Variants in RNGTT observed in about 807,000 individuals in gnomAD.
RNGTT encodes RNA guanylyltransferase and 5'-phosphatase, also known as mRNA-capping enzyme.
Under a neutral mutation model 79.3 loss-of-function variants are expected in RNGTT, and 33 were observed. That is an observed-to-expected ratio of 0.42 (90% CI 0.32 to 0.56). The LOEUF is 0.56. Ranked by LOEUF, RNGTT falls within the 20% of genes least tolerant of loss-of-function variation. RNGTT has a pLI of 0.17. For synonymous variants in RNGTT, 222 were observed against 235.9 expected (o/e 0.94, Z 0.54); for missense variants, 497 against 739.1 (o/e 0.67, Z 3.80).
At chr6:88,613,297 T>C (rs1479118330) in intron 15 of RNGTT, among the ~76,000 whole-genome samples, 1 of 152,242 alleles carries the variant, frequency 6.6e-6, no homozygotes, top group African/African-American at 2.4e-5. Context: ...ACATAAAACA[T>C]GGCACCAGCC....
At chr6:88,613,491 A>G (rs1772108825) in intron 15 of RNGTT, among the ~76,000 whole-genome samples, 1 of 152,232 alleles carries the variant, frequency 6.6e-6, no homozygotes, top group Non-Finnish European at 1.5e-5. Flanking sequence ...GCTAGTTCCA[A>G]TGAGAACTCC....
chr6:88,833,413 G>A (rs566381665), intron 11 of RNGTT, among the ~76,000 whole-genome samples: 1 of 152,202 alleles, frequency 6.6e-6, no homozygotes, highest in African/African-American at 2.4e-5. Context: ...TCACACATGG[G>A]GTCCTGTTGG....
intron 14 of RNGTT, among the ~76,000 whole-genome samples, chr6:88,637,418 T>G (rs1368397437): frequency 6.6e-6 from 1 of 152,110 alleles, no homozygotes. Flanking sequence ...GGCTGGCTTT[T>G]CCATGAGGTT....
At chr6:88,893,076 G>C (rs1377691878) in intron 6 of RNGTT, among the ~76,000 whole-genome samples, 1 of 151,976 alleles carries the variant, frequency 6.6e-6, no homozygotes, top group South Asian at 2.1e-4. Flanking sequence ...CTAGCCAATG[G>C]CATTTCTGTT....
intron 11 of RNGTT, among the ~76,000 whole-genome samples, chr6:88,809,215 C>A (rs998578953): frequency 6.6e-6 from 1 of 151,868 alleles, no homozygotes; most frequent in Admixed American, 6.6e-5. Context: ...TGTATACACA[C>A]CTTAAAAAAA....
intron 4 of RNGTT, among the ~76,000 whole-genome samples, chr6:88,920,856 T>C (rs1784141506): frequency 6.6e-6 from 1 of 152,204 alleles, no homozygotes; most frequent in Non-Finnish European, 1.5e-5. Context: ...TTACAGGTTA[T>C]AAAATTTATA....
chr6:88,852,666 T>C (rs1678608083), intron 9 of RNGTT, among the ~76,000 whole-genome samples: 1 of 152,138 alleles, frequency 6.6e-6, no homozygotes, highest in South Asian at 2.1e-4. Flanking sequence ...AAAATCAAAA[T>C]GTCCAACAAA....
chr6:88,862,641 C>T (rs1782050538), intron 8 of RNGTT, among the ~76,000 whole-genome samples: 2 of 152,192 alleles, frequency 1.3e-5, no homozygotes. Context: ...GTTCTGGAGG[C>T]TAAGACTTGC....
Position 88,929,151 on chromosome 6 carries a change from A to G in RNGTT, c.278+13T>C. On this transcript the variant is annotated intron_variant, in intron 3 of 15. Transcript: ENST00000369485. ...AAGGTTTCAATATTAAAGAATCTTAATATATAACTTACCCTTTACACTGAA... is the reference window on the plus strand; with the variant it reads ...AAGGTTTCAATATTAAAGAATCTTAGTATATAACTTACCCTTTACACTGAA... The G allele has an allele frequency of 1.3e-6, 2 of 1,577,512 alleles. No individual in the cohort carries two copies. The highest frequency in any genetic ancestry group is 1.4e-5 in the African/African-American group (1 of 73,706).
intron 14 of RNGTT, among the ~76,000 whole-genome samples, chr6:88,670,610 C>T (rs1465465303): frequency 6.6e-6 from 1 of 152,138 alleles, no homozygotes; most frequent in Non-Finnish European, 1.5e-5. Context: ...TGCCAAGAAC[C>T]AGGCCTGGTA....
chr6:88,623,805 T>C, intron 14 of RNGTT, among the ~76,000 whole-genome samples: 1 of 152,028 alleles, frequency 6.6e-6, no homozygotes. Context: ...ACAGACAACA[T>C]GATTACTTAC....
chr6:88,754,723 G>A (rs1189583062), intron 13 of RNGTT, among the ~76,000 whole-genome samples: 1 of 152,148 alleles, frequency 6.6e-6, no homozygotes, highest in Non-Finnish European at 1.5e-5. Context: ...GCCTACCCAG[G>A]GAGGAAAACC....
chr6:88,614,812 A>G (rs925798267), intron 14 of RNGTT, among the ~76,000 whole-genome samples: 4 of 152,186 alleles, frequency 2.6e-5, no homozygotes, highest in Admixed American at 2.6e-4. Flanking sequence ...AAAATCTAAG[A>G]AATGCCGTGT....
chr6:88,859,565 T>C (rs1255342276), intron 8 of RNGTT, among the ~76,000 whole-genome samples: 2 of 152,128 alleles, frequency 1.3e-5, no homozygotes, highest in Non-Finnish European at 2.9e-5. Context: ...TAAGTTTGAA[T>C]CCCTATGAAC....
At chr6:88,634,293 A>C (rs1279830409) in intron 14 of RNGTT, among the ~76,000 whole-genome samples, 3 of 152,150 alleles carry the variant, frequency 2.0e-5, no homozygotes, top group Non-Finnish European at 4.4e-5. Context: ...ATTTAAAGTA[A>C]GTTTCTGCCT....
chr6:88,637,579 G>C (rs1773145339), intron 14 of RNGTT, among the ~76,000 whole-genome samples: 1 of 152,080 alleles, frequency 6.6e-6, no homozygotes, highest in African/African-American at 2.4e-5. Flanking sequence ...CCAAATTCCA[G>C]AGAGCCAGAG....
At chr6:88,667,596 T>C (rs1184366414) in intron 14 of RNGTT, among the ~76,000 whole-genome samples, 3 of 152,078 alleles carry the variant, frequency 2.0e-5, no homozygotes, top group Non-Finnish European at 4.4e-5. Flanking sequence ...GGGTAGAGGC[T>C]TATCCAACAC....
chr6:88,651,864 G>A (rs895744393), intron 14 of RNGTT, among the ~76,000 whole-genome samples: 4 of 151,932 alleles, frequency 2.6e-5, no homozygotes, highest in African/African-American at 9.7e-5. Context: ...AAGAAATTAT[G>A]GATCATCAAA....
At chr6:88,646,299 T>C (rs1773555818) in intron 14 of RNGTT, among the ~76,000 whole-genome samples, 1 of 152,166 alleles carries the variant, frequency 6.6e-6, no homozygotes, top group Admixed American at 6.5e-5. Flanking sequence ...TGATATATCA[T>C]CTCACACCAG....
Sources: gnomAD v4.1 joint callset for allele counts (sites outside exome capture counted in the v4.1 genomes callset) on GRCh38, gnomAD v4.1.1 for gene constraint, MANE v1.5 for transcripts, NCBI Gene and HGNC (gene_info 2026-07-23, HGNC 2026-07-21) for gene names.